NUP107: variants seen among roughly 807,000 people sequenced by gnomAD.
NUP107 encodes the protein nuclear pore complex protein Nup107.
A neutral mutation model predicts 141.0 loss-of-function variants in NUP107; 101 were observed. The observed-to-expected ratio is 0.72, with a 90% confidence interval of 0.61 to 0.84. NUP107 has a LOEUF of 0.84. NUP107 is among the 40% of genes least tolerant of loss of function. The pLI, the probability that NUP107 is intolerant of heterozygous loss-of-function variation, is 0.00. For missense variants in NUP107, 941 were observed against 1,102.7 expected, an observed-to-expected ratio of 0.85 and a Z score of 2.08; for synonymous variants, 319 against 363.9, an observed-to-expected ratio of 0.88 and a Z score of 1.41.
chr12:68,735,913 A>G (rs749927244), intron 26 of NUP107, among the ~76,000 whole-genome samples: 2 of 152,256 alleles, frequency 1.3e-5, no homozygotes, highest in Non-Finnish European at 2.9e-5. Flanking sequence ...TTCTGAGTCC[A>G]GGAAAAGAAA....
chr12:68,698,680 C>A (rs1039164030), intron 6 of NUP107, among the ~76,000 whole-genome samples: 8 of 152,042 alleles, frequency 5.3e-5, no homozygotes, highest in Admixed American at 5.2e-4. Flanking sequence ...TGAAAGAAGC[C>A]AATTTGAAAA....
At chr12:68,738,160 C>T (rs1878155764) in intron 26 of NUP107, among the ~76,000 whole-genome samples, 1 of 152,302 alleles carries the variant, frequency 6.6e-6, no homozygotes, top group Admixed American at 6.5e-5. Context: ...CCTGTAGTCC[C>T]AGCTACTTGG....
chr12:68,732,920 C>T, intron 23 of NUP107, 181 bp downstream of exon 23: 1 of 408,122 alleles, frequency 2.5e-6, no homozygotes, highest in Non-Finnish European at 4.4e-6. Flanking sequence ...TGGCCTGAAG[C>T]AATCCTCCCA....
At chr12:68,707,249 CAA>C (rs1451119777) in intron 8 of NUP107, among the ~76,000 whole-genome samples, 1 of 152,028 alleles carries the variant, frequency 6.6e-6, no homozygotes, top group African/African-American at 2.4e-5. Context: ...AGCTACAAAA[CAA>C]TGCAATTTTT....
chr12:68,715,656 G>T lies in NUP107; in HGVS notation c.999G>T (p.Met333Ile), dbSNP rs760152794. Residue 333 changes from methionine (M) to isoleucine (I), a missense_variant, in exon 12 of 28, where the codon ATG (methionine) becomes ATT (isoleucine). Coordinates refer to ENST00000229179, the MANE Select transcript of NUP107 (RefSeq NM_020401.4). ...LDPDAPIRQK[M>I]PLDDLDREDE... Reference sequence around the variant, plus strand: ...CTGATGCTCCCATAAGACAGAAAATGCCCCTTGATGATCTGGATAGAGAAG... The same window carrying T: ...CTGATGCTCCCATAAGACAGAAAATTCCCCTTGATGATCTGGATAGAGAAG... 3 of 1,612,602 alleles carry T rather than the reference G, an allele frequency of 1.9e-6. No homozygotes were observed. The highest frequency in any genetic ancestry group is 2.5e-6 in the Non-Finnish European group (3 of 1,178,790).
rs571951444 is a variant in NUP107 at position 68,711,265 on chromosome 12, C to T, written c.890+1172C>T. ...ACTTGGGAGGCTGAGGCAGGAGAAT[C>T]GCTTGAACCCAGGAGGCAGAGGTTG... On this transcript the variant is annotated intron_variant, in intron 10 of 27. Coordinates refer to ENST00000229179, the MANE Select transcript of NUP107 (RefSeq NM_020401.4). Among the ~76,000 whole-genome samples the T allele has an allele frequency of 3.5e-4, 53 of 152,054 alleles. No individual in the cohort carries two copies. In the South Asian group the frequency reaches 3.5e-3, roughly 10 times the overall value.
intron 17 of NUP107, among the ~76,000 whole-genome samples, chr12:68,722,377 T>C (rs1310076851): frequency 6.6e-6 from 1 of 152,170 alleles, no homozygotes; most frequent in Non-Finnish European, 1.5e-5. Context: ...AAGCTATATT[T>C]ATTCCTTTTT....
chr12:68,699,375 CAAAA>C (rs1272327418), intron 6 of NUP107, among the ~76,000 whole-genome samples: 1 of 151,542 alleles, frequency 6.6e-6, no homozygotes, highest in Non-Finnish European at 1.5e-5. Context: ...TCCTCCGTCT[CAAAA>C]TAAAATAAAA....
At chr12:68,714,774 T>G (rs1346788092) in intron 11 of NUP107, among the ~76,000 whole-genome samples, 1 of 152,216 alleles carries the variant, frequency 6.6e-6, no homozygotes, top group East Asian at 1.9e-4. Flanking sequence ...ATAACTGTTT[T>G]GGGAGATTTG....
chr12:68,719,473 A>G, intron 13 of NUP107, 42 bp downstream of exon 13: 1 of 1,577,754 alleles, frequency 6.3e-7, no homozygotes, highest in Non-Finnish European at 8.7e-7. Context: ...GGACAAAGGC[A>G]TTTCGCTCTA....
At position 68,732,690 on chromosome 12, in the gene NUP107, G is replaced by C; in HGVS notation, c.2052G>C (p.Gln684His). 6.2e-7 allele frequency: 1 copy of C among 1,609,926 alleles called. No homozygotes were observed. Among genetic ancestry groups the C allele is most frequent in the Non-Finnish European group, 8.5e-7 (1 of 1,176,926 alleles). ...VIDWLVFDPA[Q>H]RAEALKQGNA... Reference sequence around the variant, plus strand: ...ACTGGTTGGTATTTGACCCAGCGCAGAGGGCAGAAGCACTGAAACAAGGCA... The same window carrying C: ...ACTGGTTGGTATTTGACCCAGCGCACAGGGCAGAAGCACTGAAACAAGGCA... The change falls in exon 23 of 28, where the codon CAG (glutamine) becomes CAC (histidine). Residue 684 changes from glutamine to histidine, a missense_variant. Physicochemically the swap from Gln to His is conservative, Grantham distance 24. Transcript: ENST00000229179.
At position 68,735,293 on chromosome 12, in the gene NUP107, G is replaced by A. The variant is rs559636367; in HGVS notation, c.2451G>A (p.Met817Ile). The change falls in exon 26 of 28, where the codon ATG becomes ATA. Residue 817 changes from methionine (M) to isoleucine (I), a missense_variant. By Grantham distance (10) the Met-to-Ile change is conservative. Coordinates refer to ENST00000229179, the MANE Select transcript of NUP107 (RefSeq NM_020401.4). ...DALTADVKEK[M>I]YNVLLFVDGG... is the part of the protein sequence containing the mutation. Reference sequence around the variant, plus strand: ...TAACTGCTGATGTGAAGGAGAAAATGTATAACGTCTTGTTGTTTGTTGATG... The same window carrying A: ...TAACTGCTGATGTGAAGGAGAAAATATATAACGTCTTGTTGTTTGTTGATG... The A allele has an allele frequency of 1.2e-6, 2 of 1,614,088 alleles. No homozygotes were observed. Among genetic ancestry groups the A allele is most frequent in the East Asian group, 2.2e-5 (1 of 44,856 alleles).
At chr12:68,707,974 CCTT>C (rs1318468733) in intron 8 of NUP107, among the ~76,000 whole-genome samples, 4 of 151,998 alleles carry the variant, frequency 2.6e-5, no homozygotes, top group Non-Finnish European at 4.4e-5. Flanking sequence ...CAGGCACCTC[CCTT>C]CTTCTTGGGA....
At chr12:68,699,815 A>G (rs1261641731) in intron 6 of NUP107, among the ~76,000 whole-genome samples, 1 of 152,088 alleles carries the variant, frequency 6.6e-6, no homozygotes, top group Non-Finnish European at 1.5e-5. Flanking sequence ...CCTCCTGATA[A>G]ACAATTGTGT....
rs184910245 is a variant in NUP107, at chr12:68,708,839, G to A, written c.730-399G>A. Among the ~76,000 whole-genome samples the A allele has an allele frequency of 3.5e-3, 538 of 152,172 alleles. 8 individuals carry two copies. Among genetic ancestry groups the A allele is most frequent in the African/African-American group, 0.012 (514 of 41,530 alleles). ...TCACCATTTTGGCCAGACTGGTCTC[G>A]AACTCCTGACCTCAAGTGATCTGCC... On this transcript the variant is annotated intron_variant, in intron 8 of 27. Transcript: ENST00000229179.
chr12:68,740,877 T>A (rs150186761), intron 26 of NUP107, among the ~76,000 whole-genome samples: 1,610 of 151,880 alleles, frequency 0.011, 13 homozygotes, highest in South Asian at 0.024. Flanking sequence ...TAAAATTATT[T>A]TTTTTTTTAA....
Position 68,727,114 on chromosome 12 carries a change from G to T in NUP107, c.1696-237G>T, listed in dbSNP as rs557698129. Among the ~76,000 whole-genome samples, 9 of 152,152 alleles carry T rather than the reference G, an allele frequency of 5.9e-5. No individual in the cohort carries two copies. The East Asian group carries it at 1.4e-3, about 23-fold the overall frequency. On this transcript the variant is annotated intron_variant, in intron 19 of 27. Transcript: ENST00000229179. ...CTCTGGGTAAATAAAACTTCCCTTG[G>T]TCCTAATTTCATCCTCTGTAAAATG... is the stretch of plus-strand genomic sequence containing the variant.
At chr12:68,723,019 G>A (rs1190633815) in intron 17 of NUP107, among the ~76,000 whole-genome samples, 1 of 152,138 alleles carries the variant, frequency 6.6e-6, no homozygotes, top group East Asian at 1.9e-4. Flanking sequence ...CATACATACA[G>A]TGTTTCTGAA....
chr12:68,698,471 GA>G (rs1265147177), intron 6 of NUP107, among the ~76,000 whole-genome samples: 1 of 152,126 alleles, frequency 6.6e-6, no homozygotes, highest in Non-Finnish European at 1.5e-5. Context: ...CAGGTGAGTT[GA>G]AAACTGTATA....
Sources: gnomAD v4.1 joint callset for allele counts (sites outside exome capture counted in the v4.1 genomes callset) on GRCh38, gnomAD v4.1.1 for gene constraint, MANE v1.5 for transcripts, NCBI Gene and HGNC (gene_info 2026-07-23, HGNC 2026-07-21) for gene names.